Variants in CDH2 observed in about 807,000 individuals in gnomAD.
The protein encoded by CDH2 is cadherin 2.
CDH2 carries 17 observed loss-of-function variants against 92.0 expected under a neutral mutation model. The ratio of observed to expected loss-of-function variants is 0.18; its 90% CI spans 0.13 to 0.28. The LOEUF (loss-of-function observed/expected upper bound fraction) is 0.28. Among genes scored for constraint, CDH2 ranks in the 10% least tolerant of loss-of-function variants. The pLI is 1.00. For synonymous variants in CDH2, 419 were observed against 415.9 expected (o/e 1.01, Z -0.09); for missense variants, 862 against 1,133.1 (o/e 0.76, Z 3.44).
At chr18:27,954,960 G>A (rs1909637870) in intron 15 of CDH2, among the ~76,000 whole-genome samples, 2 of 152,090 alleles carry the variant, frequency 1.3e-5, no homozygotes, top group Non-Finnish European at 2.9e-5. Context: ...CTGACTTGGG[G>A]TCATACAAGT....
Position 27,952,101 on chromosome 18 carries a change from A to G in CDH2, c.*52T>C. On this transcript the variant is annotated 3_prime_UTR_variant, in exon 16 of 16. Transcript: ENST00000269141. The stretch of plus-strand genomic sequence containing the variant: ...CCTAGCTTCTGAATGCTTTTTGGGA[A>G]TATCAGTTGAAATTGTTTGTACTTG... The G allele has an allele frequency of 2.8e-6, 4 of 1,433,670 alleles. No homozygotes were observed. Among genetic ancestry groups the G allele is most frequent in the African/African-American group, 1.4e-5 (1 of 71,478 alleles). 88.8% of individuals were successfully genotyped at this position (1,433,670 alleles called of 1,614,324 possible).
intron 2 of CDH2, among the ~76,000 whole-genome samples, chr18:28,123,657 C>T (rs867648272): frequency 6.6e-6 from 1 of 152,122 alleles, no homozygotes; most frequent in Non-Finnish European, 1.5e-5. Context: ...GAAAAACAGA[C>T]ACCTTCCTAC....
intron 2 of CDH2, among the ~76,000 whole-genome samples, chr18:28,023,240 T>C (rs2013458232): frequency 6.6e-6 from 1 of 152,178 alleles, no homozygotes; most frequent in Non-Finnish European, 1.5e-5. Context: ...ATGAAACTCT[T>C]GATGTTTACA....
At chr18:28,131,683 G>GGTGTGTGTGTGT (rs33990872) in intron 2 of CDH2, among the ~76,000 whole-genome samples, 24,234 of 150,068 alleles carry the variant, frequency 0.16, 2,466 homozygotes, top group Non-Finnish European at 0.24. Context: ...AAGCATTTGT[G>GGTGTGTGTGTGT]GTGTGTGTGT....
intron 2 of CDH2, among the ~76,000 whole-genome samples, chr18:28,018,399 T>A (rs2144049830): frequency 6.6e-6 from 1 of 152,116 alleles, no homozygotes; most frequent in Non-Finnish European, 1.5e-5. Flanking sequence ...AATACTAAAA[T>A]TCACATGGGA....
intron 1 of CDH2, among the ~76,000 whole-genome samples, chr18:28,154,061 C>A (rs913746317): frequency 6.6e-6 from 1 of 152,200 alleles, no homozygotes; most frequent in African/African-American, 2.4e-5. Flanking sequence ...CAGCCCTTAT[C>A]TTTACCTCTG....
In CDH2 at chr18:28,060,892, A is replaced by G. The variant is rs902957527; in HGVS notation, c.173-46983T>C. Among the ~76,000 whole-genome samples, 9 of 152,222 alleles carry G rather than the reference A, an allele frequency of 5.9e-5. No individual in the cohort carries two copies. In the East Asian group the frequency reaches 1.7e-3, roughly 29 times the overall value. On this transcript the variant is annotated intron_variant, in intron 2 of 15. Coordinates refer to ENST00000269141, the MANE Select transcript of CDH2 (RefSeq NM_001792.5). ...GTTTTCGGGCATTTCCAAAGGATAAATCAACAAAATCAGCATTTTAAAAAA... is the reference window on the plus strand; with the variant it reads ...GTTTTCGGGCATTTCCAAAGGATAAGTCAACAAAATCAGCATTTTAAAAAA...
At chr18:28,102,293 T>A (rs770175728) in intron 2 of CDH2, among the ~76,000 whole-genome samples, 1 of 152,204 alleles carries the variant, frequency 6.6e-6, no homozygotes, top group Non-Finnish European at 1.5e-5. Context: ...GTGTTTGGAA[T>A]TGATTGACTA....
intron 2 of CDH2, among the ~76,000 whole-genome samples, chr18:28,055,379 T>A (rs189253221): frequency 1.3e-5 from 2 of 152,178 alleles, no homozygotes; most frequent in Non-Finnish European, 2.9e-5. Flanking sequence ...AGGCTTATTA[T>A]GCCTTTGTCT....
In CDH2 at chr18:27,999,665, T is replaced by C. The variant is rs933359673; in HGVS notation, c.1020+3332A>G. Among the ~76,000 whole-genome samples the C allele has an allele frequency of 1.2e-4, 17 of 143,580 alleles. 1 individual carries two copies. The highest frequency in any genetic ancestry group is 4.0e-3 in the Middle Eastern group (1 of 252). The allele number at this position is 143,580 out of a possible 152,430, so 94.2% of individuals were successfully genotyped here. A position where few individuals can be genotyped will look rare whatever the true frequency, so the allele number is the denominator to read the frequency against. ...AAACGCTTTTAAATTTATATATATA[T>C]ACATATATACATATATATATGTGTG... On this transcript the variant is annotated intron_variant, in intron 7 of 15. Coordinates refer to ENST00000269141, the MANE Select transcript of CDH2 (RefSeq NM_001792.5).
At chr18:28,164,393 T>C (rs535565413) in intron 1 of CDH2, among the ~76,000 whole-genome samples, 9 of 152,294 alleles carry the variant, frequency 5.9e-5, no homozygotes, top group African/African-American at 1.9e-4. Flanking sequence ...GTGTGGTACA[T>C]AGTAATTACT....
chr18:27,944,660 C>T (rs1909223949), intron 6 of CDH2, among the ~76,000 whole-genome samples: 1 of 148,538 alleles, frequency 6.7e-6, no homozygotes. Context: ...GCTCATGTTG[C>T]ATGTAATCCC....
intron 5 of CDH2, among the ~76,000 whole-genome samples, chr18:28,009,387 A>G (rs1298709771): frequency 1.3e-5 from 2 of 152,178 alleles, no homozygotes; most frequent in Admixed American, 1.3e-4. Flanking sequence ...TATATTTTAC[A>G]TGTAACAGAT....
intron 5 of CDH2, among the ~76,000 whole-genome samples, 188 bp from the exon 6 acceptor site, chr18:28,006,181 C>T (rs780954944): frequency 1.7e-4 from 26 of 152,148 alleles, no homozygotes; most frequent in Admixed American, 6.6e-5. Flanking sequence ...AAAAAGCCAT[C>T]ATTTACTATA....
intron 5 of CDH2, among the ~76,000 whole-genome samples, chr18:28,008,264 T>C (rs528287981): frequency 2.4e-4 from 37 of 152,024 alleles, no homozygotes; most frequent in African/African-American, 8.5e-4. Context: ...AGTTTCCTTA[T>C]TAATGCTATG....
chr18:28,025,709 C>T (rs140259367), intron 2 of CDH2, among the ~76,000 whole-genome samples: 142 of 151,468 alleles, frequency 9.4e-4, no homozygotes, highest in African/African-American at 3.2e-3. Context: ...GGGTAATTAC[C>T]ATAGCCATCA....
chr18:28,105,269 T>C (rs756384675), intron 2 of CDH2, among the ~76,000 whole-genome samples: 65 of 152,300 alleles, frequency 4.3e-4, no homozygotes, highest in Admixed American at 5.9e-4. Flanking sequence ...TAGATAACCT[T>C]CCATGACACA....
intron 6 of CDH2, among the ~76,000 whole-genome samples, chr18:27,934,773 G>A (rs1475100873): frequency 4.6e-5 from 7 of 152,084 alleles, no homozygotes; most frequent in African/African-American, 1.7e-4. Flanking sequence ...TGTCTGCACT[G>A]GAAGCAAGTG....
At chr18:28,167,785 A>G (rs2016408191) in intron 1 of CDH2, among the ~76,000 whole-genome samples, 1 of 152,164 alleles carries the variant, frequency 6.6e-6, no homozygotes, top group Non-Finnish European at 1.5e-5. Context: ...TATGTACATA[A>G]TCTGAATTTT....
Sources: gnomAD v4.1 joint callset for allele counts (sites outside exome capture counted in the v4.1 genomes callset) on GRCh38, gnomAD v4.1.1 for gene constraint, MANE v1.5 for transcripts, NCBI Gene and HGNC (gene_info 2026-07-23, HGNC 2026-07-21) for gene names.